Variants in PPP2R5C observed in about 807,000 individuals in gnomAD.
The protein encoded by PPP2R5C is protein phosphatase 2 regulatory subunit B'gamma, also known as serine/threonine-protein phosphatase 2A 56 kDa regulatory subunit gamma isoform.
In PPP2R5C, 7 loss-of-function variants were observed where a neutral mutation model predicts 68.9. The ratio of observed to expected loss-of-function variants is 0.10; its 90% CI spans 0.06 to 0.19. The LOEUF is 0.19. Among genes scored for constraint, PPP2R5C ranks in the 10% least tolerant of loss-of-function variants. PPP2R5C has a pLI of 1.00. For synonymous variants in PPP2R5C, 210 were observed against 222.2 expected (o/e 0.95, Z 0.49); for missense variants, 348 against 641.3 (o/e 0.54, Z 4.94).
intron 2 of PPP2R5C, among the ~76,000 whole-genome samples, chr14:101,876,339 C>A (rs1260421858): frequency 1.3e-5 from 2 of 151,724 alleles, no homozygotes; most frequent in African/African-American, 4.8e-5. Context: ...AACAGAATAA[C>A]CCTTGTGGTT....
chr14:101,883,572 G>C lies in PPP2R5C; in HGVS notation c.629+10G>C, dbSNP rs777570509. ...ATAATATATTTTATAGGTAAGTCAC[G>C]TGTGGATGGCGTTGTCCTTGTGTGT... On this transcript the variant is annotated intron_variant, in intron 5 of 13. Transcript: ENST00000334743. 16 of 1,611,144 alleles carry C rather than the reference G, an allele frequency of 9.9e-6. No homozygotes were observed. The highest frequency in any genetic ancestry group is 1.3e-5 in the African/African-American group (1 of 74,696).
chr14:101,786,313 G>GTTTT, intron 3 of PPP2R5C, 130 bp downstream of exon 3: 1 of 549,504 alleles, frequency 1.8e-6, no homozygotes, highest in Non-Finnish European at 2.8e-6. Context: ...GTATTGAGGG[G>GTTTT]TTTTTTTTTT....
chr14:101,880,092 G>C (rs1203515223), intron 2 of PPP2R5C, among the ~76,000 whole-genome samples: 1 of 152,192 alleles, frequency 6.6e-6, no homozygotes, highest in Non-Finnish European at 1.5e-5. Flanking sequence ...TCTTTGGGAG[G>C]CTCCTTGCAG....
At chr14:101,784,911 G>A (rs532867267) in intron 2 of PPP2R5C, among the ~76,000 whole-genome samples, 1 of 152,148 alleles carries the variant, frequency 6.6e-6, no homozygotes, top group East Asian at 1.9e-4. Flanking sequence ...GGGGCCCAGA[G>A]CACAGCTGAA....
chr14:101,780,312 T>C (rs1388190002), intron 2 of PPP2R5C, among the ~76,000 whole-genome samples: 1 of 152,132 alleles, frequency 6.6e-6, no homozygotes, highest in Non-Finnish European at 1.5e-5. Flanking sequence ...CACATTACAC[T>C]AGGTTGTGAT....
chr14:101,765,203 A>G (rs1199467381), intron 2 of PPP2R5C: 1 of 702,736 alleles, frequency 1.4e-6, no homozygotes, highest in South Asian at 1.5e-5. Flanking sequence ...ACCACTGAAA[A>G]CACTGAAATG....
chr14:101,831,759 C>T (rs1315011667), intron 1 of PPP2R5C: 4 of 702,232 alleles, frequency 5.7e-6, no homozygotes, highest in East Asian at 2.7e-5. Flanking sequence ...TTCATACGCA[C>T]GGGTTCTGCG....
intron 2 of PPP2R5C, among the ~76,000 whole-genome samples, chr14:101,777,611 A>G (rs1015676842): frequency 6.6e-6 from 1 of 152,160 alleles, no homozygotes; most frequent in Non-Finnish European, 1.5e-5. Context: ...CGGCCTCCCA[A>G]GGTGCTGGGA....
chr14:101,871,043 T>C (rs1309091490), intron 2 of PPP2R5C, among the ~76,000 whole-genome samples: 1 of 152,198 alleles, frequency 6.6e-6, no homozygotes, highest in Non-Finnish European at 1.5e-5. Flanking sequence ...TTGCTGGTAA[T>C]ATTATTTGCT....
chr14:101,798,089 T>C (rs2038699653), intron 3 of PPP2R5C, among the ~76,000 whole-genome samples: 1 of 152,054 alleles, frequency 6.6e-6, no homozygotes, highest in Admixed American at 6.6e-5. Flanking sequence ...GTGAAGCCAA[T>C]TTTTTTAGGT....
In PPP2R5C at chr14:101,763,798, C is replaced by T. The variant is rs563689944; in HGVS notation, c.93+828C>T. ...TTGCTTTTAGCTTTAGGGTCATCTCCCCACCGCCACTTCCATTGCAAGCTG... is the reference window on the plus strand; with the variant it reads ...TTGCTTTTAGCTTTAGGGTCATCTCTCCACCGCCACTTCCATTGCAAGCTG... On this transcript the variant is annotated intron_variant, in intron 2 of 14. Coordinates refer to the PPP2R5C transcript ENST00000328724. 3.3e-5 allele frequency among the ~76,000 whole-genome samples: 5 copies of T among 152,266 alleles called. No homozygotes were observed. In the East Asian group the frequency reaches 9.6e-4, roughly 29 times the overall value.
intron 10 of PPP2R5C, among the ~76,000 whole-genome samples, chr14:101,908,641 C>T (rs1371002311): frequency 6.6e-6 from 1 of 151,084 alleles, no homozygotes; most frequent in Admixed American, 6.6e-5. Flanking sequence ...CCCACGGTGC[C>T]GGGACTACAG....
intron 2 of PPP2R5C, among the ~76,000 whole-genome samples, chr14:101,867,986 G>A (rs1259252952): frequency 6.6e-6 from 1 of 152,114 alleles, no homozygotes; most frequent in Non-Finnish European, 1.5e-5. Context: ...CGGGTCCTGG[G>A]GGAGGTCTCA....
At chr14:101,791,856 A>G (rs2038378338) in intron 3 of PPP2R5C, among the ~76,000 whole-genome samples, 1 of 152,206 alleles carries the variant, frequency 6.6e-6, no homozygotes, top group South Asian at 2.1e-4. Flanking sequence ...TGTTTGACAC[A>G]TTTTGTTCAT....
chr14:101,803,692 T>C (rs1275266503), intron 3 of PPP2R5C, among the ~76,000 whole-genome samples: 1 of 150,694 alleles, frequency 6.6e-6, no homozygotes, highest in Non-Finnish European at 1.5e-5. Flanking sequence ...CCACTGCACT[T>C]GCACTCCAGC....
At chr14:101,854,134 T>C (rs1408854978) in intron 1 of PPP2R5C, among the ~76,000 whole-genome samples, 1 of 152,214 alleles carries the variant, frequency 6.6e-6, no homozygotes, top group Non-Finnish European at 1.5e-5. Flanking sequence ...TCGTTTCAAA[T>C]AGTTGCACAG....
intron 7 of PPP2R5C, 65 bp from the exon 10 acceptor site, chr14:101,894,442 C>A: frequency 6.7e-7 from 1 of 1,490,372 alleles, no homozygotes; most frequent in Non-Finnish European, 9.4e-7. Context: ...AACGATGATT[C>A]TAGAAGAAGC....
At chr14:101,829,514 C>T (rs1018822924) in intron 1 of PPP2R5C, among the ~76,000 whole-genome samples, 3 of 152,204 alleles carry the variant, frequency 2.0e-5, no homozygotes, top group Non-Finnish European at 4.4e-5. Context: ...TCTTAGTTTC[C>T]TGAAGTAATT....
At chr14:101,824,113 C>T in intron 1 of PPP2R5C, 6 of 1,288,658 alleles carry the variant, frequency 4.7e-6, no homozygotes, top group Non-Finnish European at 6.1e-6. Context: ...CTCGCACATC[C>T]CGAGAGATTC....
Sources: gnomAD v4.1 joint callset for allele counts (sites outside exome capture counted in the v4.1 genomes callset) on GRCh38, gnomAD v4.1.1 for gene constraint, MANE v1.5 for transcripts, NCBI Gene and HGNC (gene_info 2026-07-23, HGNC 2026-07-21) for gene names.